JAKMIP1: variants seen among roughly 807,000 people sequenced by gnomAD.
JAKMIP1 encodes the protein janus kinase and microtubule interacting protein 1.
Under a neutral mutation model 113.0 loss-of-function variants are expected in JAKMIP1, and 33 were observed. The observed-to-expected ratio is 0.29, with a 90% CI of 0.22 to 0.39. JAKMIP1 has a LOEUF of 0.39. JAKMIP1 is among the 10% of genes least tolerant of loss of function. JAKMIP1 has a pLI of 1.00. For synonymous variants in JAKMIP1, 480 were observed against 459.9 expected (o/e 1.04, Z -0.56); for missense variants, 813 against 1,080.5 (o/e 0.75, Z 3.47).
chr4:6,051,816 T>A lies in JAKMIP1; in HGVS notation c.1807-1137A>T, dbSNP rs933356381. On this transcript the variant is annotated intron_variant, in intron 13 of 20. Transcript: ENST00000409021. This position sits in a 1 kb window ranked among gnomAD's most constrained non-coding sequence, Gnocchi z 5.0. The stretch of plus-strand genomic sequence containing the variant: ...GAACAGGACTCAGGTCTCAGATGTG[T>A]TTCCTGCACAGAATGGACTTTAAAC... 1.3e-5 allele frequency among the ~76,000 whole-genome samples: 2 copies of A among 152,204 alleles called. No homozygotes were observed. Among genetic ancestry groups the A allele is most frequent in the African/African-American group, 4.8e-5 (2 of 41,454 alleles).
At position 6,032,331 on chromosome 4, in the gene JAKMIP1, G is replaced by C. The variant is rs1036932593; in HGVS notation, c.2380-2550C>G. Among the ~76,000 whole-genome samples the C allele has an allele frequency of 5.3e-5, 8 of 152,098 alleles. No individual in the cohort carries two copies. In the East Asian group the frequency reaches 1.5e-3, roughly 29 times the overall value. ...CATTCTGATCTTTCTTGATATTCAC[G>C]CTTAGGAAACAGTCTCTCATCAGAG... On this transcript the variant is annotated intron_variant, in intron 19 of 20. Transcript: ENST00000409021.
chr4:6,060,950 C>T (rs1041512243), intron 10 of JAKMIP1, among the ~76,000 whole-genome samples: 9 of 152,200 alleles, frequency 5.9e-5, no homozygotes, highest in African/African-American at 1.9e-4. Context: ...CCCCTTATCA[C>T]CTGCAGCAGG....
intron 8 of JAKMIP1, among the ~76,000 whole-genome samples, chr4:6,071,559 A>G (rs1418922530): frequency 6.6e-6 from 1 of 152,164 alleles, no homozygotes; most frequent in Non-Finnish European, 1.5e-5. Context: ...ATTACCTAGA[A>G]CCACCATAGG....
intron 11 of JAKMIP1, among the ~76,000 whole-genome samples, chr4:6,057,341 A>C (rs372398311): frequency 5.3e-5 from 8 of 151,060 alleles, no homozygotes; most frequent in African/African-American, 1.7e-4. Flanking sequence ...GCCCTCTCCA[A>C]CTCCCTCCTC....
chr4:6,145,153 C>A (rs1362497145), intron 1 of JAKMIP1, among the ~76,000 whole-genome samples: 1 of 152,116 alleles, frequency 6.6e-6, no homozygotes, highest in Non-Finnish European at 1.5e-5. Context: ...CCTTTTTGCA[C>A]CACCACTGGA....
intron 16 of JAKMIP1, among the ~76,000 whole-genome samples, chr4:6,046,311 C>G (rs1341764868): frequency 6.6e-6 from 1 of 152,246 alleles, no homozygotes; most frequent in Non-Finnish European, 1.5e-5. Flanking sequence ...CGGCAACACC[C>G]AAGCTTACTG....
At chr4:6,078,033 G>C (rs979758526) in intron 8 of JAKMIP1, among the ~76,000 whole-genome samples, 6 of 152,038 alleles carry the variant, frequency 3.9e-5, no homozygotes, top group African/African-American at 1.4e-4. Context: ...TTCCCTTATA[G>C]ATGAGAAATA....
intron 1 of JAKMIP1, among the ~76,000 whole-genome samples, chr4:6,196,573 G>T (rs868606713): frequency 6.6e-6 from 1 of 152,150 alleles, no homozygotes; most frequent in Non-Finnish European, 1.5e-5. Flanking sequence ...CCAAGAAGGG[G>T]CCAGGTGCGG....
chr4:6,029,247 C>T (rs1019427838), intron 20 of JAKMIP1, among the ~76,000 whole-genome samples: 1 of 152,222 alleles, frequency 6.6e-6, no homozygotes, highest in Admixed American at 6.5e-5. Flanking sequence ...ACCCAAAGCC[C>T]ATTGAGAGGC....
rs1718701564 is a variant in JAKMIP1, at chr4:6,069,805, T to C, written c.1303-4797A>G. Reference sequence around the variant, plus strand: ...TGGCAAAATGAATGAAGAGTAAACATGTCTCCTCCATTTACACTTTGCATA... The same window carrying C: ...TGGCAAAATGAATGAAGAGTAAACACGTCTCCTCCATTTACACTTTGCATA... On this transcript the variant is annotated intron_variant, in intron 8 of 20. Coordinates refer to ENST00000409021, the MANE Select transcript of JAKMIP1 (RefSeq NM_001099433.2). This position sits in a 1 kb window ranked among gnomAD's most constrained non-coding sequence, Gnocchi z 4.5. Among the ~76,000 whole-genome samples the C allele has an allele frequency of 6.6e-6, 1 of 150,558 alleles. No homozygotes were observed. Among genetic ancestry groups the C allele is most frequent in the Non-Finnish European group, 1.5e-5 (1 of 67,814 alleles).
chr4:6,094,134 C>T lies in JAKMIP1; in HGVS notation c.625-8505G>A, dbSNP rs919549851. 6.6e-6 allele frequency among the ~76,000 whole-genome samples: 1 copy of T among 151,916 alleles called. No individual in the cohort carries two copies. Among genetic ancestry groups the T allele is most frequent in the African/African-American group, 2.4e-5 (1 of 41,374 alleles). On this transcript the variant is annotated intron_variant, in intron 3 of 20. Transcript: ENST00000409021. The surrounding 1 kb of genome is among the most constrained non-coding windows in gnomAD (Gnocchi z 4.2). ...AGGCATCTATATAGGGAACATGCAT[C>T]GAACACATGCCACTGTCAGTTCATG... is the stretch of plus-strand genomic sequence containing the variant.
In JAKMIP1 at chr4:6,094,174, C is replaced by T. The variant is rs995977800; in HGVS notation, c.625-8545G>A. On this transcript the variant is annotated intron_variant, in intron 3 of 20. Transcript: ENST00000409021. The surrounding 1 kb of genome is among the most constrained non-coding windows in gnomAD (Gnocchi z 4.2). Reference sequence around the variant, plus strand: ...GTCAGTTCATGAGTTTTAAAAACAACCATTATGGTTTTATAAAAGCATAAA... The same window carrying T: ...GTCAGTTCATGAGTTTTAAAAACAATCATTATGGTTTTATAAAAGCATAAA... Among the ~76,000 whole-genome samples the T allele has an allele frequency of 6.6e-6, 1 of 152,006 alleles. No homozygotes were observed. The highest frequency in any genetic ancestry group is 1.5e-5 in the Non-Finnish European group (1 of 68,012).
intron 1 of JAKMIP1, among the ~76,000 whole-genome samples, chr4:6,149,369 G>T (rs1489499705): frequency 6.6e-6 from 1 of 152,128 alleles, no homozygotes; most frequent in African/African-American, 2.4e-5. Context: ...GAACTGCTTG[G>T]CCCAGGCCCA....
At chr4:6,144,877 A>T (rs1260416943) in intron 1 of JAKMIP1, among the ~76,000 whole-genome samples, 1 of 152,260 alleles carries the variant, frequency 6.6e-6, no homozygotes, top group African/African-American at 2.4e-5. Flanking sequence ...GGTTTTAGTC[A>T]GGGCAACTAG....
rs1714347610 is a variant in JAKMIP1, at chr4:6,108,531, G to A, written c.130-2564C>T. ...CCACTCCCACTCAGAGAGTGAGTCA[G>A]ATTCACCCCTTTCCATCCTCATCCT... On this transcript the variant is annotated intron_variant, in intron 2 of 20. Transcript: ENST00000409021. The surrounding 1 kb of genome is among the most constrained non-coding windows in gnomAD (Gnocchi z 5.6). 6.6e-6 allele frequency among the ~76,000 whole-genome samples: 1 copy of A among 152,110 alleles called. No individual in the cohort carries two copies. The highest frequency in any genetic ancestry group is 6.5e-5 in the Admixed American group (1 of 15,272).
chr4:6,145,316 T>C (rs1405265158), intron 1 of JAKMIP1, among the ~76,000 whole-genome samples: 1 of 152,114 alleles, frequency 6.6e-6, no homozygotes, highest in Non-Finnish European at 1.5e-5. Context: ...ACAGAACCTC[T>C]GGGGTGAAGA....
rs73198090 is a variant in JAKMIP1, at chr4:6,158,641, G to C, written c.-148+41612C>G. On this transcript the variant is annotated intron_variant, in intron 1 of 20. Coordinates refer to ENST00000409021, the MANE Select transcript of JAKMIP1 (RefSeq NM_001099433.2). The surrounding 1 kb of genome is among the most constrained non-coding windows in gnomAD (Gnocchi z 5.3). ...CCCCCACCCCCACCAGCCCCAGCTA[G>C]TAGTCATCATTTCCACAAAGGAAGT... Among the ~76,000 whole-genome samples the C allele has an allele frequency of 0.029, 4,443 of 151,464 alleles. 121 individuals are homozygous for C. The highest frequency in any genetic ancestry group is 0.051 in the Middle Eastern group (15 of 292).
rs368690644 is a variant in JAKMIP1 at position 6,089,330 on chromosome 4, G to A, written c.625-3701C>T. On this transcript the variant is annotated intron_variant, in intron 3 of 20. Transcript: ENST00000409021. The surrounding 1 kb of genome is among the most constrained non-coding windows in gnomAD (Gnocchi z 5.3). The stretch of plus-strand genomic sequence containing the variant: ...GTTTGATGGAATTTCTGTCACTTGC[G>A]ACCAAAAGAATCACAATCAACAGAG... Among the ~76,000 whole-genome samples, 9 of 152,190 alleles carry A rather than the reference G, an allele frequency of 5.9e-5. No individual in the cohort carries two copies. Among genetic ancestry groups the A allele is most frequent in the African/African-American group, 1.7e-4 (7 of 41,440 alleles).
At chr4:6,174,352 G>A (rs1437360674) in intron 1 of JAKMIP1, among the ~76,000 whole-genome samples, 1 of 152,214 alleles carries the variant, frequency 6.6e-6, no homozygotes, top group African/African-American at 2.4e-5. Flanking sequence ...CATCACCAGG[G>A]CAAGAGTCAG....
Sources: allele counts gnomAD v4.1 joint callset (sites outside exome capture counted in the v4.1 genomes callset), GRCh38; gene constraint gnomAD v4.1.1; non-coding constraint Gnocchi (gnomAD v3.1); transcripts MANE v1.5; gene names NCBI Gene and HGNC (gene_info 2026-07-23, HGNC 2026-07-21).